Variants in TNFRSF21 observed in about 807,000 individuals in gnomAD.
The protein encoded by TNFRSF21 is TNF receptor superfamily member 21.
Under a neutral mutation model 45.6 loss-of-function variants are expected in TNFRSF21, and 19 were observed. The ratio of observed to expected loss-of-function variants is 0.42; its 90% CI spans 0.29 to 0.61. The LOEUF is 0.61. Among genes scored for constraint, TNFRSF21 ranks in the 20% least tolerant of loss-of-function variants. The pLI, the probability that TNFRSF21 is intolerant of heterozygous loss-of-function variation, is 0.23. For synonymous variants in TNFRSF21, 314 were observed against 335.5 expected (o/e 0.94, Z 0.70); for missense variants, 737 against 851.5 (o/e 0.87, Z 1.67).
At chr6:47,286,759 G>A (rs899533897) in intron 1 of TNFRSF21, among the ~76,000 whole-genome samples, 164 bp from the exon 2 acceptor site, 3 of 152,172 alleles carry the variant, frequency 2.0e-5, no homozygotes, top group Admixed American at 6.5e-5. Context: ...ACAGTAGAAC[G>A]AGAGAAACGA....
chr6:47,277,163 T>G (rs183899827), intron 3 of TNFRSF21, among the ~76,000 whole-genome samples: 1 of 152,298 alleles, frequency 6.6e-6, no homozygotes, highest in African/African-American at 2.4e-5. Flanking sequence ...CTGGTTAATT[T>G]TATATTTTTA....
At chr6:47,301,634 C>T (rs2281445) in intron 1 of TNFRSF21, among the ~76,000 whole-genome samples, 21,107 of 152,070 alleles carry the variant, frequency 0.14, 2,155 homozygotes, top group East Asian at 0.47. Flanking sequence ...TCTGTTAATT[C>T]CTACCAGAGC....
In TNFRSF21 at chr6:47,309,609, G is replaced by T; in HGVS notation, c.-98C>A. 1 of 1,364,606 alleles carries T rather than the reference G, an allele frequency of 7.3e-7. No individual in the cohort carries two copies. The highest frequency in any genetic ancestry group is 9.4e-7 in the Non-Finnish European group (1 of 1,066,974). 84.5% of individuals were successfully genotyped at this position (1,364,606 alleles called of 1,614,324 possible). ...CGCCGCATCCACCGCCGCCTCCCGG[G>T]CCGGGAGCCCATCTACCTCCAACAC... On this transcript the variant is annotated 5_prime_UTR_variant, in exon 1 of 6. Transcript: ENST00000296861.
chr6:47,262,460 T>A (rs6903711), intron 3 of TNFRSF21, among the ~76,000 whole-genome samples: 60,341 of 152,094 alleles, frequency 0.4, 12,309 homozygotes, highest in African/African-American at 0.49. Context: ...GATATGGCAG[T>A]GAACAAATGC....
intron 4 of TNFRSF21, among the ~76,000 whole-genome samples, chr6:47,237,211 T>C (rs1429598637): frequency 6.6e-6 from 1 of 152,192 alleles, no homozygotes; most frequent in Non-Finnish European, 1.5e-5. Context: ...AGTTACTAAC[T>C]ATAAGTATCT....
At chr6:47,249,489 T>G (rs985753550) in intron 4 of TNFRSF21, among the ~76,000 whole-genome samples, 1 of 152,168 alleles carries the variant, frequency 6.6e-6, no homozygotes, top group African/African-American at 2.4e-5. Context: ...AAACAGAGTT[T>G]ACTGCTGGAA....
At chr6:47,261,097 C>T (rs903835189) in intron 3 of TNFRSF21, among the ~76,000 whole-genome samples, 2 of 152,150 alleles carry the variant, frequency 1.3e-5, no homozygotes, top group Non-Finnish European at 2.9e-5. Flanking sequence ...TCTAACACCC[C>T]CCCAAACCTC....
rs182530613 is a variant in TNFRSF21 at position 47,260,400 on chromosome 6, C to T, written c.1244-6879G>A. ...GATCCCCAGCAGGAGAGCTCAAGAA[C>T]TGAGGTATGAGCTGATAAACTGGGT... On this transcript the variant is annotated intron_variant, in intron 3 of 5. Coordinates refer to ENST00000296861, the MANE Select transcript of TNFRSF21 (RefSeq NM_014452.5). Among the ~76,000 whole-genome samples, 6 of 152,256 alleles carry T rather than the reference C, an allele frequency of 3.9e-5. No individual in the cohort carries two copies. In the East Asian group the frequency reaches 1.2e-3, roughly 29 times the overall value.
intron 3 of TNFRSF21, among the ~76,000 whole-genome samples, chr6:47,259,645 G>A (rs1197088111): frequency 6.6e-6 from 1 of 152,196 alleles, no homozygotes; most frequent in Non-Finnish European, 1.5e-5. Context: ...AAAATGCTGG[G>A]ATTACGGGTG....
rs1438194981 is a variant in TNFRSF21, at chr6:47,309,717, G to A, written c.-206C>T. On this transcript the variant is annotated 5_prime_UTR_variant, in exon 1 of 6. Transcript: ENST00000296861. ...GCGCTCAGCACCTGCCCAGCGGCGC[G>A]GCCGCCCAGGCGGGGAGAAGCCGCC... 2 of 650,286 alleles carry A rather than the reference G, an allele frequency of 3.1e-6. No homozygotes were observed. Among genetic ancestry groups the A allele is most frequent in the Non-Finnish European group, 4.4e-6 (2 of 452,694 alleles). 40.3% of individuals were successfully genotyped at this position (650,286 alleles called of 1,614,324 possible). A position where few individuals can be genotyped will look rare whatever the true frequency, so the allele number is the denominator to read the frequency against.
At chr6:47,306,299 T>G (rs1762938581) in intron 1 of TNFRSF21, among the ~76,000 whole-genome samples, 2 of 152,236 alleles carry the variant, frequency 1.3e-5, no homozygotes, top group African/African-American at 4.8e-5. Flanking sequence ...CCAAACCACC[T>G]TCTTAACTTT....
At chr6:47,243,676 C>G (rs1306843957) in intron 4 of TNFRSF21, among the ~76,000 whole-genome samples, 2 of 152,118 alleles carry the variant, frequency 1.3e-5, no homozygotes, top group East Asian at 3.9e-4. Flanking sequence ...CCTTGGCCTC[C>G]CAAAGTGCTG....
At chr6:47,265,851 C>A (rs1448985241) in intron 3 of TNFRSF21, among the ~76,000 whole-genome samples, 1 of 152,148 alleles carries the variant, frequency 6.6e-6, no homozygotes, top group Non-Finnish European at 1.5e-5. Context: ...CCCATAAATT[C>A]ATTTTAAGCA....
chr6:47,305,470 TATA>T (rs1762925270), intron 1 of TNFRSF21, among the ~76,000 whole-genome samples: 2 of 152,280 alleles, frequency 1.3e-5, no homozygotes, highest in Non-Finnish European at 2.9e-5. Flanking sequence ...ATCTTTTGGA[TATA>T]ATATCAGCTC....
intron 4 of TNFRSF21, 125 bp downstream of exon 4, chr6:47,253,131 C>CGTGTGTGT (rs112989391): frequency 2.2e-6 from 2 of 893,440 alleles, no homozygotes; most frequent in African/African-American, 3.5e-5. Context: ...CAGGCGTATG[C>CGTGTGTGT]GTGTGTGTGT....
At chr6:47,242,415 G>A (rs770548688) in intron 4 of TNFRSF21, among the ~76,000 whole-genome samples, 44 of 152,164 alleles carry the variant, frequency 2.9e-4, no homozygotes, top group Non-Finnish European at 2.4e-4. Flanking sequence ...CCTCGTCTTA[G>A]AATTCTCATC....
intron 1 of TNFRSF21, among the ~76,000 whole-genome samples, chr6:47,297,276 A>G (rs1435894779): frequency 1.3e-5 from 2 of 152,136 alleles, no homozygotes; most frequent in Non-Finnish European, 2.9e-5. Context: ...CCTCCTCATT[A>G]GTATAAAGGA....
At chr6:47,266,306 A>G (rs191759975) in intron 3 of TNFRSF21, among the ~76,000 whole-genome samples, 24 of 151,646 alleles carry the variant, frequency 1.6e-4, no homozygotes, top group African/African-American at 5.3e-4. Flanking sequence ...GGAAGGAAAC[A>G]TTTTTTTTCT....
At chr6:47,296,927 C>T (rs1762797702) in intron 1 of TNFRSF21, among the ~76,000 whole-genome samples, 1 of 152,342 alleles carries the variant, frequency 6.6e-6, no homozygotes, top group African/African-American at 2.4e-5. Flanking sequence ...CTGTGAGCCG[C>T]TCTTGCAGAT....
Sources: gnomAD v4.1 joint callset for allele counts (sites outside exome capture counted in the v4.1 genomes callset) on GRCh38, gnomAD v4.1.1 for gene constraint, MANE v1.5 for transcripts, NCBI Gene and HGNC (gene_info 2026-07-23, HGNC 2026-07-21) for gene names.